MKLN1: variants seen among roughly 807,000 people sequenced by gnomAD.
The protein encoded by MKLN1 is muskelin 1.
A neutral mutation model predicts 99.0 loss-of-function variants in MKLN1; 18 were observed. That is an observed-to-expected ratio of 0.18 (90% CI 0.13 to 0.27). The LOEUF (loss-of-function observed/expected upper bound fraction) is 0.27, where lower values mean the gene tolerates loss of function less well. Among genes scored for constraint, MKLN1 ranks in the 10% least tolerant of loss-of-function variants. MKLN1 has a pLI of 1.00. For synonymous variants in MKLN1, 288 were observed against 293.2 expected (o/e 0.98, Z 0.18); for missense variants, 621 against 875.9 (o/e 0.71, Z 3.67).
intron 3 of MKLN1, among the ~76,000 whole-genome samples, chr7:131,268,645 A>T (rs942145215): frequency 5.3e-5 from 8 of 152,152 alleles, no homozygotes; most frequent in African/African-American, 1.9e-4. Flanking sequence ...TATGGGCCAG[A>T]TCTGGAACTG....
At chr7:131,154,558 C>A (rs1795937107) in intron 2 of MKLN1, among the ~76,000 whole-genome samples, 1 of 152,134 alleles carries the variant, frequency 6.6e-6, no homozygotes, top group Non-Finnish European at 1.5e-5. Flanking sequence ...ATAGACATGT[C>A]TCCTAGGTCC....
At chr7:131,170,538 A>G (rs1158908540) in intron 2 of MKLN1, among the ~76,000 whole-genome samples, 1 of 152,220 alleles carries the variant, frequency 6.6e-6, no homozygotes, top group Non-Finnish European at 1.5e-5. Flanking sequence ...TGAGAGCTGA[A>G]ATTTTAAAAG....
chr7:131,267,901 T>C (rs1180740944), intron 3 of MKLN1, among the ~76,000 whole-genome samples: 6 of 152,226 alleles, frequency 3.9e-5, no homozygotes, highest in Non-Finnish European at 7.3e-5. Context: ...CCTATTAGTA[T>C]TGTGCTCAAC....
chr7:131,400,979 C>T (rs530802398), intron 6 of MKLN1, among the ~76,000 whole-genome samples: 49 of 152,154 alleles, frequency 3.2e-4, no homozygotes, highest in African/African-American at 1.1e-3. Flanking sequence ...GGGTTGTTCT[C>T]TTTGCTTCTG....
rs1563243959 is a variant in MKLN1 at position 131,183,046 on chromosome 7, G to A, written c.-296-19811G>A. On this transcript the variant is annotated intron_variant, in intron 2 of 7. Transcript: ENST00000416992. ...ACCTACCACACAGCATCAGGTGGAT[G>A]TGGAGTGGTTTTGCTACTCATATAA... 2.0e-5 allele frequency among the ~76,000 whole-genome samples: 3 copies of A among 152,340 alleles called. No individual in the cohort carries two copies. The East Asian group carries it at 5.8e-4, about 29-fold the overall frequency.
intron 15 of MKLN1, among the ~76,000 whole-genome samples, chr7:131,469,453 A>G (rs548901040): frequency 2.0e-5 from 3 of 152,168 alleles, no homozygotes; most frequent in Non-Finnish European, 4.4e-5. Flanking sequence ...GGGTGCCAAA[A>G]CCTTGGTCTA....
intron 16 of MKLN1, among the ~76,000 whole-genome samples, chr7:131,477,338 G>C (rs1407435974): frequency 1.3e-5 from 2 of 151,706 alleles, no homozygotes; most frequent in African/African-American, 4.8e-5. Context: ...CTTGATACCA[G>C]GAGTTTGAGA....
At position 131,453,302 on chromosome 7, in the gene MKLN1, A is replaced by G. The variant is rs150104804; in HGVS notation, c.1525+7399A>G. ...ACTACCAGATATTTATAAAGCTACAATTTGCCAAAGTACAGACTAATGGGA... is the reference window on the plus strand; with the variant it reads ...ACTACCAGATATTTATAAAGCTACAGTTTGCCAAAGTACAGACTAATGGGA... On this transcript the variant is annotated intron_variant, in intron 12 of 17. Coordinates refer to ENST00000352689, the MANE Select transcript of MKLN1 (RefSeq NM_013255.5). Among the ~76,000 whole-genome samples, 1,482 of 152,316 alleles carry G rather than the reference A, an allele frequency of 9.7e-3. 33 individuals carry two copies. The highest frequency in any genetic ancestry group is 0.033 in the African/African-American group (1,362 of 41,584).
intron 12 of MKLN1, 49 bp downstream of exon 12, chr7:131,445,952 A>G: frequency 8.0e-7 from 1 of 1,249,300 alleles, no homozygotes. Flanking sequence ...TACTTTAGGT[A>G]GAAAACTGCA....
At chr7:131,482,454 A>G (rs900580845) in intron 17 of MKLN1, among the ~76,000 whole-genome samples, 5 of 152,130 alleles carry the variant, frequency 3.3e-5, no homozygotes, top group Admixed American at 3.3e-4. Flanking sequence ...TCTTTTTAGA[A>G]GTTTACAGTC....
At chr7:131,436,750 T>C (rs1317573928) in intron 9 of MKLN1, among the ~76,000 whole-genome samples, 3 of 152,228 alleles carry the variant, frequency 2.0e-5, no homozygotes, top group Non-Finnish European at 4.4e-5. Context: ...TGAAGTTCTT[T>C]TTCCCCGATG....
At chr7:131,118,802 C>A (rs1376930142) in intron 1 of MKLN1, among the ~76,000 whole-genome samples, 1 of 152,164 alleles carries the variant, frequency 6.6e-6, no homozygotes, top group Non-Finnish European at 1.5e-5. Flanking sequence ...CTTGAGAACT[C>A]ACTGACTATC....
chr7:131,376,528 G>C (rs1793670147), intron 2 of MKLN1, among the ~76,000 whole-genome samples: 1 of 151,192 alleles, frequency 6.6e-6, no homozygotes, highest in African/African-American at 2.4e-5. Flanking sequence ...TATAGTCCCA[G>C]CTACTCGGGA....
chr7:131,165,476 CG>C (rs1796110443), intron 2 of MKLN1, among the ~76,000 whole-genome samples: 1 of 152,166 alleles, frequency 6.6e-6, no homozygotes, highest in Non-Finnish European at 1.5e-5. Context: ...TGAGCCACCA[CG>C]CCCGGCCCAA....
Position 131,487,571 on chromosome 7 carries a change from AAC to A in MKLN1, c.2087-32_2087-31del. ...ACTAGTTTTTCTGTTACATGTTTTA[AAC>A]ACAATGGATGTTTCTTTGTATCTTC... On this transcript the variant is annotated intron_variant, in intron 17 of 17. Coordinates refer to ENST00000352689, the MANE Select transcript of MKLN1 (RefSeq NM_013255.5). This position sits in a 1 kb window ranked among gnomAD's most constrained non-coding sequence, Gnocchi z 4.7. The A allele has an allele frequency of 6.3e-7, 1 of 1,599,796 alleles. No homozygotes were observed. Among genetic ancestry groups the A allele is most frequent in the Non-Finnish European group, 8.5e-7 (1 of 1,175,142 alleles).
intron 3 of MKLN1, among the ~76,000 whole-genome samples, chr7:131,305,865 A>T (rs1355149089): frequency 6.6e-6 from 1 of 152,194 alleles, no homozygotes; most frequent in Non-Finnish European, 1.5e-5. Flanking sequence ...TCTCTCAGGG[A>T]AATATTTAAT....
At chr7:131,454,060 CT>C (rs5887505) in intron 12 of MKLN1, among the ~76,000 whole-genome samples, 264 of 139,398 alleles carry the variant, frequency 1.9e-3, no homozygotes, top group Admixed American at 2.2e-3. Context: ...TTGGTACAGC[CT>C]TTTTTTTTTT....
At chr7:131,193,527 G>A (rs781073742) in intron 2 of MKLN1, among the ~76,000 whole-genome samples, 1 of 151,834 alleles carries the variant, frequency 6.6e-6, no homozygotes, top group East Asian at 1.9e-4. Flanking sequence ...CCACCATGAC[G>A]AGCCAAGTTG....
intron 8 of MKLN1, among the ~76,000 whole-genome samples, chr7:131,420,987 G>A (rs2116385084): frequency 6.6e-6 from 1 of 152,232 alleles, no homozygotes; most frequent in East Asian, 1.9e-4. Flanking sequence ...TTTCTGTGGT[G>A]GATCTGTTTT....
Sources: gnomAD v4.1 joint callset for allele counts (sites outside exome capture counted in the v4.1 genomes callset) on GRCh38, gnomAD v4.1.1 for gene constraint, Gnocchi (gnomAD v3.1) non-coding constraint, MANE v1.5 for transcripts, NCBI Gene and HGNC (gene_info 2026-07-23, HGNC 2026-07-21) for gene names.